BCAS3: variants seen among roughly 807,000 people sequenced by gnomAD.
BCAS3 encodes the protein BCAS4/BCAS3 fusion.
In BCAS3, 53 loss-of-function variants were observed where a neutral mutation model predicts 116.1. That is an observed-to-expected ratio of 0.46 (90% CI 0.37 to 0.57). The LOEUF (loss-of-function observed/expected upper bound fraction) is 0.57, where lower values mean the gene tolerates loss of function less well. Among genes scored for constraint, BCAS3 ranks in the 20% least tolerant of loss-of-function variants. BCAS3 has a pLI of 0.00. For synonymous variants in BCAS3, 391 were observed against 408.2 expected (o/e 0.96, Z 0.51); for missense variants, 917 against 1,165.4 (o/e 0.79, Z 3.10).
chr17:61,269,984 T>C (rs2050102002), intron 22 of BCAS3, among the ~76,000 whole-genome samples: 1 of 151,976 alleles, frequency 6.6e-6, no homozygotes, highest in Non-Finnish European at 1.5e-5. Flanking sequence ...TTTGTATTTT[T>C]GGTAGAGACG....
chr17:61,318,893 C>T (rs2054965895), intron 22 of BCAS3, among the ~76,000 whole-genome samples: 1 of 152,202 alleles, frequency 6.6e-6, no homozygotes, highest in Non-Finnish European at 1.5e-5. Flanking sequence ...TAGCTGACCA[C>T]CTCAGCAATT....
chr17:60,731,944 T>G (rs938939550), intron 5 of BCAS3, among the ~76,000 whole-genome samples: 1 of 151,814 alleles, frequency 6.6e-6, no homozygotes, highest in African/African-American at 2.4e-5. Context: ...ACTGCTAATT[T>G]TTGTATTTTT....
intron 7 of BCAS3, among the ~76,000 whole-genome samples, chr17:60,822,088 G>T (rs1015949630): frequency 6.6e-6 from 1 of 152,158 alleles, no homozygotes; most frequent in African/African-American, 2.4e-5. Flanking sequence ...ATTCAAGTCC[G>T]TATAGACATA....
chr17:61,163,908 TCTCCTCTGCCTCTG>T (rs773662171), intron 22 of BCAS3, among the ~76,000 whole-genome samples: 4 of 149,700 alleles, frequency 2.7e-5, no homozygotes, highest in Admixed American at 2.0e-4. Flanking sequence ...ATCGCTTGTT[TCTCCTCTGCCTCTG>T]GGAGGCAGAG....
chr17:61,193,206 G>C (rs765236046), intron 22 of BCAS3, among the ~76,000 whole-genome samples: 17 of 152,160 alleles, frequency 1.1e-4, no homozygotes, highest in Non-Finnish European at 2.4e-4. Context: ...AGGTTGCAGT[G>C]AGCCGAGATC....
intron 5 of BCAS3, among the ~76,000 whole-genome samples, chr17:60,736,779 C>T (rs1198115372): frequency 6.6e-6 from 1 of 152,058 alleles, no homozygotes; most frequent in African/African-American, 2.4e-5. Context: ...TGGTCCATTT[C>T]ATCTAGGTTA....
At chr17:61,055,894 A>T (rs1460493198) in intron 19 of BCAS3, among the ~76,000 whole-genome samples, 2 of 152,214 alleles carry the variant, frequency 1.3e-5, no homozygotes, top group Non-Finnish European at 2.9e-5. Flanking sequence ...ATAGAGAACT[A>T]TAGAAAGCCT....
intron 22 of BCAS3, among the ~76,000 whole-genome samples, chr17:61,319,259 C>A (rs1191704234): frequency 6.6e-6 from 1 of 152,134 alleles, no homozygotes; most frequent in Non-Finnish European, 1.5e-5. Context: ...TCATTCTGAC[C>A]CTTTGAACTT....
At chr17:61,018,129 G>A (rs757082197) in intron 16 of BCAS3, among the ~76,000 whole-genome samples, 1 of 151,844 alleles carries the variant, frequency 6.6e-6, no homozygotes, top group African/African-American at 2.4e-5. Flanking sequence ...CCATAGTTTC[G>A]AATTCTTTTT....
At chr17:60,758,355 A>C (rs966187238) in intron 6 of BCAS3, among the ~76,000 whole-genome samples, 3 of 152,010 alleles carry the variant, frequency 2.0e-5, no homozygotes, top group Non-Finnish European at 4.4e-5. Flanking sequence ...TGTTTCATTG[A>C]TACTTTGTAT....
At chr17:61,033,651 A>T (rs1292122277) in intron 16 of BCAS3, among the ~76,000 whole-genome samples, 1 of 152,214 alleles carries the variant, frequency 6.6e-6, no homozygotes, top group Non-Finnish European at 1.5e-5. Flanking sequence ...AGAGAGGAAC[A>T]TCAGAGCTCT....
In BCAS3 at chr17:60,924,461, C is replaced by T. The variant is rs1260264553; in HGVS notation, c.1048C>T (p.His350Tyr). Residue 350 changes from histidine (H) to tyrosine (Y), a missense_variant, in exon 13 of 24, where the codon CAT (histidine) becomes TAT (tyrosine). This residue lies in a region of BCAS3 where 807 missense variants were observed against 1,026.0 expected (regional missense o/e 0.79). Transcript: ENST00000407086. ...SDGIVAHFPA[H>Y]EKPVCCMAFN... ...TGGCATTGTGGCCCACTTCCCTGCC[C>T]ATGAGAAGCCAGTGTGCTGCATGGC... 3 of 1,612,564 alleles carry T rather than the reference C, an allele frequency of 1.9e-6. No homozygotes were observed. The Admixed American group carries it at 5.0e-5, about 27-fold the overall frequency.
At chr17:61,284,110 G>A (rs936320032) in intron 22 of BCAS3, among the ~76,000 whole-genome samples, 5 of 152,124 alleles carry the variant, frequency 3.3e-5, no homozygotes, top group African/African-American at 1.2e-4. Context: ...CTAGCTAAAG[G>A]TTTGTAAACA....
intron 19 of BCAS3, chr17:61,070,069 A>G: frequency 1.3e-6 from 2 of 1,586,058 alleles, no homozygotes; most frequent in Non-Finnish European, 8.6e-7. Context: ...GAGCGCTCCC[A>G]GGAGAAACAA....
intron 18 of BCAS3, among the ~76,000 whole-genome samples, chr17:61,039,845 A>G (rs941594757): frequency 3.3e-5 from 5 of 152,160 alleles, no homozygotes; most frequent in Admixed American, 3.3e-4. Context: ...TTGCAATCTC[A>G]TGCTCACCGA....
At chr17:61,146,368 C>T (rs2098095) in intron 22 of BCAS3, among the ~76,000 whole-genome samples, 6,567 of 151,610 alleles carry the variant, frequency 0.043, 483 homozygotes, top group African/African-American at 0.15. Context: ...CCATCCCCCT[C>T]GGCCTCCTAA....
chr17:60,996,665 G>A (rs1054217330), intron 15 of BCAS3, among the ~76,000 whole-genome samples: 6 of 152,254 alleles, frequency 3.9e-5, no homozygotes, highest in Admixed American at 3.3e-4. Flanking sequence ...AGTCATTTAT[G>A]TAGGGATAAA....
intron 7 of BCAS3, among the ~76,000 whole-genome samples, chr17:60,848,899 T>G (rs2144792866): frequency 6.6e-6 from 1 of 152,118 alleles, no homozygotes; most frequent in East Asian, 1.9e-4. Flanking sequence ...GGACAGTCCT[T>G]GAATGTGTAG....
chr17:60,942,350 C>A (rs2060268644), intron 13 of BCAS3, among the ~76,000 whole-genome samples: 1 of 152,120 alleles, frequency 6.6e-6, no homozygotes, highest in South Asian at 2.1e-4. Flanking sequence ...TTGCTTGAAC[C>A]CGGGAGGCGG....
Sources: allele counts gnomAD v4.1 joint callset (sites outside exome capture counted in the v4.1 genomes callset), GRCh38; gene constraint gnomAD v4.1.1; regional missense constraint gnomAD v4.1.1; transcripts MANE v1.5; gene names NCBI Gene and HGNC (gene_info 2026-07-23, HGNC 2026-07-21).